The following TENM3 variants were observed in gnomAD, a reference collection of about 807,000 sequenced individuals.
TENM3 encodes teneurin-3.
A neutral mutation model predicts 255.1 loss-of-function variants in TENM3; 63 were observed. The observed-to-expected ratio is 0.25, with a 90% CI of 0.20 to 0.30. TENM3 has a LOEUF of 0.30. Among genes scored for constraint, TENM3 ranks in the 10% least tolerant of loss-of-function variants. The pLI is 1.00. For missense variants in TENM3, 2,929 were observed against 3,461.1 expected (o/e 0.85, Z 3.86); for synonymous variants, 1,306 against 1,322.3 (o/e 0.99, Z 0.27).
intron 3 of TENM3, among the ~76,000 whole-genome samples, chr4:182,584,912 G>T (rs1745863896): frequency 6.6e-6 from 1 of 152,110 alleles, no homozygotes; most frequent in African/African-American, 2.4e-5. Flanking sequence ...AAAGTGCAGG[G>T]ATTACAGGCG....
chr4:181,741,575 G>C, the TENM3 span, among the ~76,000 whole-genome samples: 1 of 152,122 alleles, frequency 6.6e-6, no homozygotes, highest in Non-Finnish European at 1.5e-5. Context: ...TAACAATACT[G>C]CCTTGTCAAT....
At chr4:182,115,663 G>A in the TENM3 span, among the ~76,000 whole-genome samples, 1 of 152,132 alleles carries the variant, frequency 6.6e-6, no homozygotes, top group Non-Finnish European at 1.5e-5. Flanking sequence ...GGCTAGCAAG[G>A]CAGCTTTCTC....
At chr4:182,176,511 G>C (rs907717017) in intron 1 of TENM3, among the ~76,000 whole-genome samples, 1 of 152,108 alleles carries the variant, frequency 6.6e-6, no homozygotes, top group African/African-American at 2.4e-5. Flanking sequence ...TTGAAACATA[G>C]AATATTTTTT....
the TENM3 span, among the ~76,000 whole-genome samples, chr4:181,651,688 A>T: frequency 6.6e-6 from 1 of 152,172 alleles, no homozygotes; most frequent in African/African-American, 2.4e-5. Context: ...AAAAAACAAG[A>T]TGCGTTACAT....
At chr4:182,207,545 T>A (rs978099078) in intron 1 of TENM3, among the ~76,000 whole-genome samples, 3 of 152,236 alleles carry the variant, frequency 2.0e-5, no homozygotes, top group Non-Finnish European at 4.4e-5. Context: ...ATGCTCCCCC[T>A]GCTTTTTTGG....
At chr4:182,763,407 T>C (rs191329069) in intron 22 of TENM3, among the ~76,000 whole-genome samples, 2 of 152,008 alleles carry the variant, frequency 1.3e-5, no homozygotes, top group African/African-American at 2.4e-5. Context: ...CTACTAAAAA[T>C]ACAAAAAATT....
At chr4:182,014,568 A>C in the TENM3 span, among the ~76,000 whole-genome samples, 108 of 151,756 alleles carry the variant, frequency 7.1e-4, no homozygotes, top group African/African-American at 2.5e-3. Flanking sequence ...ACCCAGAGGC[A>C]ATGGTAGGGC....
the TENM3 span, among the ~76,000 whole-genome samples, chr4:181,688,360 AT>A: frequency 1.5e-4 from 23 of 152,222 alleles, no homozygotes; most frequent in African/African-American, 4.3e-4. Context: ...AGGAAATTTG[AT>A]TTTTTTATAG....
chr4:182,457,558 C>CTTTTTTTT lies in TENM3; in HGVS notation c.511+110639_511+110646dup, dbSNP rs768197836. On this transcript the variant is annotated intron_variant, in intron 3 of 27. Transcript: ENST00000511685. ...ATGCAAATACCTAAATCATGTATAT[C>CTTTTTTTT]TTTTTTTTTTTTTTTTTGAGGATAG... Among the ~76,000 whole-genome samples, 428 of 115,010 alleles carry CTTTTTTTT rather than the reference C, an allele frequency of 3.7e-3. 22 individuals carry two copies. Among genetic ancestry groups the CTTTTTTTT allele is most frequent in the Non-Finnish European group, 5.3e-3 (313 of 58,878 alleles). The allele number at this position is 115,010 out of a possible 152,430, so 75.5% of individuals were successfully genotyped here.
chr4:182,716,729 A>G (rs1372342833), intron 13 of TENM3, among the ~76,000 whole-genome samples: 1 of 152,262 alleles, frequency 6.6e-6, no homozygotes, highest in Non-Finnish European at 1.5e-5. Flanking sequence ...ACAGTCGAAC[A>G]GAATGTTTAG....
At chr4:181,732,305 G>A in the TENM3 span, among the ~76,000 whole-genome samples, 1 of 152,246 alleles carries the variant, frequency 6.6e-6, no homozygotes, top group Admixed American at 6.5e-5. Context: ...AGGAGGAACA[G>A]CCCACCAAAA....
chr4:181,573,664 A>C, the TENM3 span, among the ~76,000 whole-genome samples: 1 of 152,224 alleles, frequency 6.6e-6, no homozygotes, highest in Non-Finnish European at 1.5e-5. Flanking sequence ...TCTCGTCTTA[A>C]TGCACAAATA....
chr4:182,376,537 A>C lies in TENM3; in HGVS notation c.511+29608A>C, dbSNP rs115369238. Reference sequence around the variant, plus strand: ...TACCTCAAGTTTAAATATCATTTAAAATGCAATAAATGTAATGAGCCAACA... The same window carrying C: ...TACCTCAAGTTTAAATATCATTTAACATGCAATAAATGTAATGAGCCAACA... On this transcript the variant is annotated intron_variant, in intron 3 of 27. Transcript: ENST00000511685. Among the ~76,000 whole-genome samples the C allele has an allele frequency of 4.2e-3, 641 of 152,338 alleles. 4 individuals carry two copies. Among genetic ancestry groups the C allele is most frequent in the African/African-American group, 0.015 (606 of 41,564 alleles).
chr4:182,799,993 A>G lies in TENM3; in HGVS notation c.7742A>G (p.Gln2581Arg). 6.3e-7 allele frequency: 1 copy of G among 1,592,762 alleles called. No homozygotes were observed. The highest frequency in any genetic ancestry group is 8.5e-7 in the Non-Finnish European group (1 of 1,170,460). Residue 2581 changes from glutamine to arginine, a missense_variant, in exon 28 of 28, where the codon CAG (glutamine) becomes CGG (arginine). Gln to Arg is a conservative substitution (Grantham distance 43). Transcript: ENST00000511685. The surrounding 1 kb of genome is among the most constrained non-coding windows in gnomAD (Gnocchi z 4.2). ...AACGGCATCAACGTGACGGTGTCGCAGTCCACCACGGTGGTGAACGGCAGG... is the reference window on the plus strand; with the variant it reads ...AACGGCATCAACGTGACGGTGTCGCGGTCCACCACGGTGGTGAACGGCAGG... The part of the protein sequence containing the change: ...LENGINVTVS[Q>R]STTVVNGRTR...
chr4:181,502,326 C>T, the TENM3 span, among the ~76,000 whole-genome samples: 43 of 152,084 alleles, frequency 2.8e-4, no homozygotes, highest in Non-Finnish European at 7.4e-5. Flanking sequence ...ACATCTGCTA[C>T]AAGATGCTGA....
At chr4:181,606,030 G>T in the TENM3 span, among the ~76,000 whole-genome samples, 1 of 140,584 alleles carries the variant, frequency 7.1e-6, no homozygotes, top group Non-Finnish European at 1.6e-5. Context: ...GTTCCTCATG[G>T]TGGTAAATGA....
chr4:182,087,816 C>T, the TENM3 span, among the ~76,000 whole-genome samples: 66 of 152,098 alleles, frequency 4.3e-4, no homozygotes, highest in African/African-American at 1.4e-3. Flanking sequence ...ACCAATTTCT[C>T]CCTAGGTACG....
chr4:182,018,414 G>T, the TENM3 span, among the ~76,000 whole-genome samples: 2 of 152,100 alleles, frequency 1.3e-5, no homozygotes, highest in Non-Finnish European at 2.9e-5. Flanking sequence ...ATCATCTGGA[G>T]TGTTTGAAAT....
intron 1 of TENM3, among the ~76,000 whole-genome samples, chr4:182,317,053 C>A (rs28688972): frequency 0.12 from 17,513 of 152,140 alleles, 1,145 homozygotes; most frequent in African/African-American, 0.18. Context: ...TATGTTTTAG[C>A]TATCAGGGTA....
Sources: allele counts gnomAD v4.1 joint callset (sites outside exome capture counted in the v4.1 genomes callset), GRCh38; gene constraint gnomAD v4.1.1; non-coding constraint Gnocchi (gnomAD v3.1); transcripts MANE v1.5; gene names NCBI Gene and HGNC (gene_info 2026-07-23, HGNC 2026-07-21).